RCAN2: variants seen among roughly 807,000 people sequenced by gnomAD.
RCAN2 encodes calcipressin-2.
Under a neutral mutation model 23.6 loss-of-function variants are expected in RCAN2, and 9 were observed. That is an observed-to-expected ratio of 0.38 (90% CI 0.23 to 0.67). The LOEUF (loss-of-function observed/expected upper bound fraction) is 0.67. RCAN2 is among the 30% of genes least tolerant of loss of function. The probability of loss-of-function intolerance (pLI) is 0.51; values close to 1 mark genes in which losing one functional copy is unlikely to be tolerated. For synonymous variants in RCAN2, 109 were observed against 115.7 expected (o/e 0.94, Z 0.37); for missense variants, 273 against 302.3 (o/e 0.90, Z 0.72).
At chr6:46,433,944 G>A (rs933757919) in intron 2 of RCAN2, among the ~76,000 whole-genome samples, 5 of 152,154 alleles carry the variant, frequency 3.3e-5, no homozygotes, top group African/African-American at 1.2e-4. Flanking sequence ...GGTGGAGCGG[G>A]TAAGTGCCCA....
chr6:46,486,574 A>G (rs1372134113), intron 1 of RCAN2, among the ~76,000 whole-genome samples: 1 of 152,234 alleles, frequency 6.6e-6, no homozygotes, highest in African/African-American at 2.4e-5. Context: ...GATATAATAA[A>G]GCAATTATTC....
chr6:46,437,365 C>T (rs986749996), intron 2 of RCAN2, among the ~76,000 whole-genome samples: 1 of 152,216 alleles, frequency 6.6e-6, no homozygotes, highest in African/African-American at 2.4e-5. Flanking sequence ...GCATCACTCC[C>T]ACCCCATATC....
At chr6:46,320,871 G>A (rs1259578148) in intron 2 of RCAN2, among the ~76,000 whole-genome samples, 1 of 152,142 alleles carries the variant, frequency 6.6e-6, no homozygotes, top group Non-Finnish European at 1.5e-5. Flanking sequence ...ATTAGGTTAA[G>A]TACAGTTTTC....
intron 2 of RCAN2, among the ~76,000 whole-genome samples, chr6:46,401,608 G>A (rs1766250276): frequency 6.6e-6 from 1 of 152,126 alleles, no homozygotes; most frequent in Non-Finnish European, 1.5e-5. Flanking sequence ...AGTGTACTCA[G>A]GTCTGTTTCC....
chr6:46,448,209 T>C (rs922122757), intron 2 of RCAN2, among the ~76,000 whole-genome samples: 4 of 151,818 alleles, frequency 2.6e-5, no homozygotes, highest in African/African-American at 9.7e-5. Context: ...TGAACAATTA[T>C]ATGCCAACAG....
At chr6:46,456,714 A>G in intron 2 of RCAN2, 38 bp downstream of exon 2, 1 of 1,401,426 alleles carries the variant, frequency 7.1e-7, no homozygotes, top group South Asian at 1.2e-5. Context: ...ATAATGCCAT[A>G]TCTCCCCATG....
intron 2 of RCAN2, among the ~76,000 whole-genome samples, chr6:46,353,353 G>T (rs986704134): frequency 6.6e-6 from 1 of 152,082 alleles, no homozygotes; most frequent in African/African-American, 2.4e-5. Flanking sequence ...TTTTGGGTGT[G>T]GGGGAGGAGA....
chr6:46,257,249 C>A (rs957654666), intron 2 of RCAN2, among the ~76,000 whole-genome samples: 1 of 152,046 alleles, frequency 6.6e-6, no homozygotes, highest in Admixed American at 6.6e-5. Context: ...TAAAATATTA[C>A]CCTCAATTTA....
intron 2 of RCAN2, among the ~76,000 whole-genome samples, chr6:46,410,524 T>G (rs3934393): frequency 0.5 from 75,920 of 152,034 alleles, 19,641 homozygotes; most frequent in East Asian, 0.61. Context: ...GACATCGTCT[T>G]TCTCCACCTT....
In RCAN2 at chr6:46,329,037, C is replaced by T. The variant is rs183817804; in HGVS notation, c.226-80141G>A. 3.5e-3 allele frequency among the ~76,000 whole-genome samples: 537 copies of T among 152,254 alleles called. 1 individual carries two copies. Among genetic ancestry groups the T allele is most frequent in the African/African-American group, 0.012 (519 of 41,538 alleles). ...CTTGGATTATTCTCCCACTTCATCT[C>T]ATATCATTCTCACCTTTCTTCACTC... On this transcript the variant is annotated intron_variant, in intron 2 of 4. Transcript: ENST00000371374.
At chr6:46,432,964 T>G (rs1767258143) in intron 2 of RCAN2, among the ~76,000 whole-genome samples, 1 of 152,230 alleles carries the variant, frequency 6.6e-6, no homozygotes. Context: ...AATCTTTAAG[T>G]ACATTATTAT....
chr6:46,278,000 C>T (rs2150337071), intron 2 of RCAN2, among the ~76,000 whole-genome samples: 1 of 152,214 alleles, frequency 6.6e-6, no homozygotes, highest in African/African-American at 2.4e-5. Context: ...ATCAGAAAAC[C>T]TGTTTAGGGG....
chr6:46,444,055 T>C (rs565104357), intron 2 of RCAN2, among the ~76,000 whole-genome samples: 2 of 152,282 alleles, frequency 1.3e-5, no homozygotes, highest in African/African-American at 4.8e-5. Flanking sequence ...CCTATGCAAG[T>C]CACTAGAAAT....
At chr6:46,344,960 C>T (rs1161291180) in intron 2 of RCAN2, among the ~76,000 whole-genome samples, 1 of 151,906 alleles carries the variant, frequency 6.6e-6, no homozygotes, top group Non-Finnish European at 1.5e-5. Flanking sequence ...CTTTTTCTCT[C>T]TTTATGTATA....
At chr6:46,228,542 A>G (rs952975732) in intron 4 of RCAN2, among the ~76,000 whole-genome samples, 1 of 151,726 alleles carries the variant, frequency 6.6e-6, no homozygotes, top group South Asian at 2.1e-4. Flanking sequence ...CCTTCTTTGT[A>G]TCTTTTGGTC....
intron 2 of RCAN2, among the ~76,000 whole-genome samples, chr6:46,456,065 A>G (rs1195988306): frequency 6.6e-6 from 1 of 152,178 alleles, no homozygotes; most frequent in Admixed American, 6.5e-5. Context: ...TCCAAATGGA[A>G]TATTTACTGT....
At chr6:46,231,010 GA>G (rs1243632229) in intron 4 of RCAN2, among the ~76,000 whole-genome samples, 1 of 152,160 alleles carries the variant, frequency 6.6e-6, no homozygotes, top group East Asian at 1.9e-4. Context: ...TAGACATTCA[GA>G]GTCAGCCATT....
intron 1 of RCAN2, among the ~76,000 whole-genome samples, chr6:46,462,776 G>C (rs1232004348): frequency 6.6e-6 from 1 of 152,152 alleles, no homozygotes; most frequent in Non-Finnish European, 1.5e-5. Context: ...GAAGACATCT[G>C]ATTCTGCTGG....
chr6:46,259,464 C>T (rs559931414), intron 2 of RCAN2, among the ~76,000 whole-genome samples: 4 of 152,148 alleles, frequency 2.6e-5, no homozygotes, highest in Non-Finnish European at 4.4e-5. Flanking sequence ...GTTTTCAGAA[C>T]AGCTAAAACA....
Sources: allele counts gnomAD v4.1 joint callset (sites outside exome capture counted in the v4.1 genomes callset), GRCh38; gene constraint gnomAD v4.1.1; transcripts MANE v1.5; gene names NCBI Gene and HGNC (gene_info 2026-07-23, HGNC 2026-07-21).